TMEM44: variants seen among roughly 807,000 people sequenced by gnomAD.
TMEM44 encodes the protein transmembrane protein 44.
In TMEM44, 43 loss-of-function variants were observed where a neutral mutation model predicts 47.8. That is an observed-to-expected ratio of 0.90 (90% confidence interval 0.70 to 1.16). The LOEUF (loss-of-function observed/expected upper bound fraction) is 1.16. Among genes scored for constraint, TMEM44 ranks in the 50% most tolerant of loss-of-function variants. TMEM44 has a pLI of 0.00. For synonymous variants in TMEM44, 277 were observed against 238.8 expected (o/e 1.16, Z -1.48); for missense variants, 568 against 555.2 (o/e 1.02, Z -0.23).
At position 194,617,255 on chromosome 3, in the gene TMEM44, T is replaced by C. The variant is rs1030308024; in HGVS notation, c.627A>G (p.Thr209=). 59 of 1,518,240 alleles carry C rather than the reference T, an allele frequency of 3.9e-5. No homozygotes were observed. The highest frequency in any genetic ancestry group is 5.0e-5 in the Non-Finnish European group (57 of 1,129,068). The allele number at this position is 1,518,240 out of a possible 1,614,324, so 94.0% of individuals were successfully genotyped here. ...PPLSRICRGK[T]FPSIHLWTRL... is the part of the protein sequence containing the mutation. ...GGGTCCACAGGTGGATGGAGGGAAA[T>C]GTCTTCCCCCGGCACTGGGCAGAGA... Residue 209 remains threonine (T), a synonymous_variant, in exon 6 of 10, where the codon ACA becomes ACG. Coordinates refer to ENST00000347147, the MANE Select transcript of TMEM44 (RefSeq NM_001011655.3).
Position 194,627,972 on chromosome 3 carries a change from C to G in TMEM44, c.264+411G>C, listed in dbSNP as rs183546503. On this transcript the variant is annotated intron_variant, in intron 2 of 9. Coordinates refer to ENST00000347147, the MANE Select transcript of TMEM44 (RefSeq NM_001011655.3). ...CCAGCCTGGGCGACAGAGTAAGACT[C>G]TGTCTCAAAAAACAAACAAGCAAAA... Among the ~76,000 whole-genome samples, 271 of 152,196 alleles carry G rather than the reference C, an allele frequency of 1.8e-3. 3 individuals are homozygous for G. The highest frequency in any genetic ancestry group is 6.1e-3 in the African/African-American group (254 of 41,536).
At chr3:194,618,829 A>G (rs1009462056) in intron 5 of TMEM44, among the ~76,000 whole-genome samples, 31 of 152,124 alleles carry the variant, frequency 2.0e-4, no homozygotes, top group African/African-American at 7.0e-4. Context: ...CGTCCCCTCC[A>G]GTTTTGTCTC....
At position 194,623,280 on chromosome 3, in the gene TMEM44, C is replaced by A; in HGVS notation, c.556G>T (p.Gly186Cys). 6.2e-7 allele frequency: 1 copy of A among 1,611,600 alleles called. No homozygotes were observed. The highest frequency in any genetic ancestry group is 8.5e-7 in the Non-Finnish European group (1 of 1,179,014). The part of the protein sequence containing the change: ...ENTEILGYLL[G>C]SVAAFGSWAS... ...CAGGAGCCAAAGGCAGCAACGCTAC[C>A]CAGCAGGTAGCCGAGGATCTCAGTA... Residue 186 changes from glycine (G) to cysteine (C), a missense_variant, in exon 5 of 10, where the codon GGT becomes TGT. By Grantham distance (159) the Gly-to-Cys change is radical. Transcript: ENST00000347147.
intron 5 of TMEM44, among the ~76,000 whole-genome samples, chr3:194,622,009 G>C (rs1695220891): frequency 6.6e-6 from 1 of 152,230 alleles, no homozygotes; most frequent in Non-Finnish European, 1.5e-5. Context: ...ACCGCACCCA[G>C]CTGATTCTTT....
chr3:194,625,849 A>C, intron 3 of TMEM44, 48 bp downstream of exon 3: 2 of 1,506,836 alleles, frequency 1.3e-6, no homozygotes, highest in South Asian at 2.3e-5. Context: ...CGGCGTGCTG[A>C]TGAATGAATG....
In TMEM44 at chr3:194,611,743, C is replaced by T. The variant is rs934809825; in HGVS notation, c.913-723G>A. Among the ~76,000 whole-genome samples the T allele has an allele frequency of 6.6e-6, 1 of 152,022 alleles. No individual in the cohort carries two copies. The highest frequency in any genetic ancestry group is 6.6e-5 in the Admixed American group (1 of 15,252). On this transcript the variant is annotated intron_variant, in intron 7 of 9. Coordinates refer to ENST00000347147, the MANE Select transcript of TMEM44 (RefSeq NM_001011655.3). This position sits in a 1 kb window ranked among gnomAD's most constrained non-coding sequence, Gnocchi z 4.2. ...GTTTTGCTAAAATACAGATTGCAGC[C>T]GGGCGCGGTGGCTCACGCCTGTAAT... is the stretch of plus-strand genomic sequence containing the variant.
rs1383178157 is a variant in TMEM44, at chr3:194,615,561, T to C, written c.912+8A>G. 2 of 1,613,540 alleles carry C rather than the reference T, an allele frequency of 1.2e-6. No homozygotes were observed. The highest frequency in any genetic ancestry group is 1.3e-5 in the African/African-American group (1 of 74,890). On this transcript the variant is annotated splice_region_variant and intron_variant, in intron 7 of 9. Transcript: ENST00000347147. Reference sequence around the variant, plus strand: ...TCCAGCCAGAGAGACCTTGTCCTCGTTCCTCACCTCCTGGTTTTCTTCCTC... The same window carrying C: ...TCCAGCCAGAGAGACCTTGTCCTCGCTCCTCACCTCCTGGTTTTCTTCCTC...
chr3:194,622,559 T>C (rs1186010848), intron 5 of TMEM44: 2 of 151,428 alleles, frequency 1.3e-5, no homozygotes, highest in Non-Finnish European at 2.9e-5. Context: ...TTTTTTTTTT[T>C]TTTTTTTTAG....
intron 1 of TMEM44, among the ~76,000 whole-genome samples, chr3:194,628,723 T>A (rs769595974): frequency 3.9e-5 from 6 of 152,120 alleles, no homozygotes; most frequent in Non-Finnish European, 8.8e-5. Context: ...CTAGACCTCG[T>A]GAGATGTGAA....
chr3:194,623,568 G>T lies in TMEM44; in HGVS notation c.486C>A (p.Ile162=). 1 of 1,609,118 alleles carries T rather than the reference G, an allele frequency of 6.2e-7. No homozygotes were observed. The highest frequency in any genetic ancestry group is 8.5e-7 in the Non-Finnish European group (1 of 1,178,484). ...CTAGCAGCCTCCGCTGTGGCCCCCG[G>T]ATGGTGGCTGAAGCCTTCGGGACAG... ...WVAVPKASAT[I]RGPQRRLLAS... is the part of the protein sequence containing the mutation. The change falls in exon 4 of 10, where the codon ATC becomes ATA. Residue 162 remains isoleucine (I), a synonymous_variant. Coordinates refer to ENST00000347147, the MANE Select transcript of TMEM44 (RefSeq NM_001011655.3).
intron 4 of TMEM44, 73 bp downstream of exon 4, chr3:194,623,456 G>T: frequency 2.0e-6 from 3 of 1,517,266 alleles, no homozygotes; most frequent in Non-Finnish European, 2.7e-6. Flanking sequence ...CCCTAGCCCC[G>T]GCCTCATCCC....
rs1553824445 is a variant in TMEM44, at chr3:194,594,153, A to ATCTATCTGTCTGTCTGTCTGTCTGTCTG, written c.1177-5515_1177-5514insCAGACAGACAGACAGACAGACAGATAGA. On this transcript the variant is annotated intron_variant, in intron 9 of 9. Coordinates refer to ENST00000347147, the MANE Select transcript of TMEM44 (RefSeq NM_001011655.3). ...TATCTATCTATCTATCTATCTATCT[A>ATCTATCTGTCTGTCTGTCTGTCTGTCTG]TCTATCTATCTATATCTATCTATCT... Among the ~76,000 whole-genome samples, 304 of 148,392 alleles carry ATCTATCTGTCTGTCTGTCTGTCTGTCTG rather than the reference A, an allele frequency of 2.0e-3. 2 individuals are homozygous for ATCTATCTGTCTGTCTGTCTGTCTGTCTG. The highest frequency in any genetic ancestry group is 3.1e-3 in the Non-Finnish European group (209 of 66,884).
rs200054456 is a variant in TMEM44 at position 194,628,335 on chromosome 3, C to T, written c.264+48G>A. On this transcript the variant is annotated intron_variant, in intron 2 of 9. Coordinates refer to ENST00000347147, the MANE Select transcript of TMEM44 (RefSeq NM_001011655.3). ...GCTGCAGCAGAGAGAAAGGCCAGGC[C>T]TCCCTTAGTGCTGGCCTAAGCCACT... is the stretch of plus-strand genomic sequence containing the variant. 1.5e-5 allele frequency: 24 copies of T among 1,579,908 alleles called. No individual in the cohort carries two copies. In the East Asian group the frequency reaches 5.1e-4, roughly 33 times the overall value.
intron 2 of TMEM44, among the ~76,000 whole-genome samples, chr3:194,627,081 C>A (rs1165069532): frequency 1.3e-5 from 2 of 152,116 alleles, no homozygotes; most frequent in Admixed American, 6.6e-5. Flanking sequence ...GCCACCACGC[C>A]CAGCTAGTTT....
At chr3:194,616,693 A>G (rs979819719) in intron 6 of TMEM44, 4 of 412,298 alleles carry the variant, frequency 9.7e-6, no homozygotes, top group Non-Finnish European at 1.9e-5. Context: ...CATTAACCAC[A>G]GTCAGCATCT....
intron 9 of TMEM44, among the ~76,000 whole-genome samples, chr3:194,603,967 C>A (rs1172554853): frequency 6.6e-6 from 1 of 152,114 alleles, no homozygotes; most frequent in African/African-American, 2.4e-5. Flanking sequence ...GATTCTCCTG[C>A]CTTCGCCTCC....
chr3:194,631,662 G>A (rs1717839435), intron 1 of TMEM44, among the ~76,000 whole-genome samples: 2 of 152,318 alleles, frequency 1.3e-5, no homozygotes, highest in South Asian at 4.1e-4. Context: ...GAGAAGGTGA[G>A]TTAATGGTGG....
At chr3:194,631,422 G>C (rs551961559) in intron 1 of TMEM44, among the ~76,000 whole-genome samples, 1 of 152,176 alleles carries the variant, frequency 6.6e-6, no homozygotes, top group Non-Finnish European at 1.5e-5. Context: ...CCTTGGGAAT[G>C]GTGGATGAGT....
rs140766626 is a variant in TMEM44, at chr3:194,600,838, C to T, written c.1176+3449G>A. Among the ~76,000 whole-genome samples, 320 of 152,302 alleles carry T rather than the reference C, an allele frequency of 2.1e-3. 2 individuals are homozygous for T. Among genetic ancestry groups the T allele is most frequent in the African/African-American group, 7.0e-3 (292 of 41,562 alleles). On this transcript the variant is annotated intron_variant, in intron 9 of 9. Coordinates refer to ENST00000347147, the MANE Select transcript of TMEM44 (RefSeq NM_001011655.3). ...CACACACCTGAAAAAAGATTTCTTG[C>T]TCATTTGTTGTAAGTCTATATTCAG... is the stretch of plus-strand genomic sequence containing the variant.
Sources: allele counts gnomAD v4.1 joint callset (sites outside exome capture counted in the v4.1 genomes callset), GRCh38; gene constraint gnomAD v4.1.1; non-coding constraint Gnocchi (gnomAD v3.1); transcripts MANE v1.5; gene names NCBI Gene and HGNC (gene_info 2026-07-23, HGNC 2026-07-21).